Variants in FNDC3B observed in about 807,000 individuals in gnomAD.
FNDC3B encodes the protein fibronectin type III domain-containing protein 3B.
FNDC3B carries 12 observed loss-of-function variants against 151.5 expected under a neutral mutation model. The observed-to-expected ratio is 0.08, with a 90% confidence interval of 0.05 to 0.13. The LOEUF is 0.13. Among genes scored for constraint, FNDC3B ranks in the 10% least tolerant of loss-of-function variants. FNDC3B has a pLI of 1.00. For synonymous variants in FNDC3B, 528 were observed against 549.0 expected (o/e 0.96, Z 0.54); for missense variants, 1,214 against 1,505.3 (o/e 0.81, Z 3.20).
At chr3:172,086,147 G>A (rs1171228694) in intron 1 of FNDC3B, among the ~76,000 whole-genome samples, 4 of 152,112 alleles carry the variant, frequency 2.6e-5, no homozygotes, top group Non-Finnish European at 4.4e-5. Context: ...GATCACTTGA[G>A]GCCAGAAGTT....
rs113275124 is a variant in FNDC3B, at chr3:172,241,096, T to G, written c.265-6437T>G. ...GATTTCTTCATTAGCCTGAGCAAGA[T>G]GGCTCAGTGTTTGTTCACAGAGGCT... On this transcript the variant is annotated intron_variant, in intron 4 of 25. Coordinates refer to ENST00000415807, the MANE Select transcript of FNDC3B (RefSeq NM_022763.4). Among the ~76,000 whole-genome samples the G allele has an allele frequency of 3.2e-3, 480 of 152,304 alleles. 1 individual carries two copies. Among genetic ancestry groups the G allele is most frequent in the Middle Eastern group, 6.8e-3 (2 of 294 alleles).
intron 3 of FNDC3B, among the ~76,000 whole-genome samples, chr3:172,163,751 G>A (rs1282196224): frequency 6.6e-6 from 1 of 152,140 alleles, no homozygotes; most frequent in Non-Finnish European, 1.5e-5. Context: ...GGTATTATGA[G>A]CAGGGCTGCT....
chr3:172,149,394 T>G (rs1458287130), intron 3 of FNDC3B, among the ~76,000 whole-genome samples: 1 of 152,188 alleles, frequency 6.6e-6, no homozygotes, highest in Non-Finnish European at 1.5e-5. Context: ...TTTAGTCTGG[T>G]TCCATTGATC....
At chr3:172,292,122 A>G (rs1239014345) in intron 7 of FNDC3B, among the ~76,000 whole-genome samples, 1 of 152,194 alleles carries the variant, frequency 6.6e-6, no homozygotes, top group Non-Finnish European at 1.5e-5. Context: ...TCCTCATTCC[A>G]TTGCCTAAAC....
rs145472346 is a variant in FNDC3B, at chr3:172,328,721, G to C, written c.1255-231G>C. ...AAACCACAGGTACAGTAAATTACCT[G>C]TCTCAATTACAGAATTTTCTGTAGT... On this transcript the variant is annotated intron_variant, in intron 11 of 25. Transcript: ENST00000415807. 2.3e-3 allele frequency among the ~76,000 whole-genome samples: 355 copies of C among 152,236 alleles called. 1 individual carries two copies. Among genetic ancestry groups the C allele is most frequent in the African/African-American group, 8.2e-3 (339 of 41,532 alleles).
chr3:172,349,947 T>G (rs1372765531), intron 21 of FNDC3B, among the ~76,000 whole-genome samples: 1 of 152,184 alleles, frequency 6.6e-6, no homozygotes, highest in Non-Finnish European at 1.5e-5. Context: ...TGAGCCACCG[T>G]GCCCGGCCAC....
chr3:172,372,193 T>G (rs1052653129), intron 23 of FNDC3B, among the ~76,000 whole-genome samples: 11 of 152,212 alleles, frequency 7.2e-5, no homozygotes, highest in Admixed American at 2.6e-4. Flanking sequence ...CCAAACTCCC[T>G]GCACAGTGGA....
chr3:172,352,076 A>C lies in FNDC3B; in HGVS notation c.2515-727A>C, dbSNP rs975419216. On this transcript the variant is annotated intron_variant, in intron 21 of 25. Transcript: ENST00000415807. This position sits in a 1 kb window ranked among gnomAD's most constrained non-coding sequence, Gnocchi z 4.2. ...TAGAGGTAGAAAAGAGGAGGTACCGAAGTACTGAGGGCTGATACTCACCAG... is the reference window on the plus strand; with the variant it reads ...TAGAGGTAGAAAAGAGGAGGTACCGCAGTACTGAGGGCTGATACTCACCAG... Among the ~76,000 whole-genome samples the C allele has an allele frequency of 6.6e-6, 1 of 152,158 alleles. No homozygotes were observed. The highest frequency in any genetic ancestry group is 2.4e-5 in the African/African-American group (1 of 41,444).
intron 1 of FNDC3B, among the ~76,000 whole-genome samples, chr3:172,100,293 G>A (rs1279005042): frequency 1.3e-5 from 2 of 152,128 alleles, no homozygotes; most frequent in African/African-American, 4.8e-5. Context: ...TTAACAAATT[G>A]TATTAGTATA....
At chr3:172,105,198 C>T (rs1016367932) in intron 1 of FNDC3B, among the ~76,000 whole-genome samples, 4 of 152,030 alleles carry the variant, frequency 2.6e-5, no homozygotes, top group Non-Finnish European at 5.9e-5. Flanking sequence ...AAAGGCCACC[C>T]GGGGTGTATG....
intron 3 of FNDC3B, among the ~76,000 whole-genome samples, chr3:172,217,884 T>G (rs187486255): frequency 1.5e-3 from 223 of 152,274 alleles, no homozygotes; most frequent in Non-Finnish European, 2.7e-3. Flanking sequence ...ACAGAATTGT[T>G]CACTAACGCT....
intron 23 of FNDC3B, among the ~76,000 whole-genome samples, chr3:172,377,734 A>G (rs1190611019): frequency 1.3e-5 from 2 of 152,202 alleles, no homozygotes; most frequent in African/African-American, 4.8e-5. Context: ...TCAACGATCC[A>G]TAATCCTAAA....
At chr3:172,243,695 G>A (rs9879470) in intron 4 of FNDC3B, among the ~76,000 whole-genome samples, 94,610 of 152,070 alleles carry the variant, frequency 0.62, 31,461 homozygotes, top group African/African-American at 0.88. Flanking sequence ...GTGTCTTCAC[G>A]TGATGTTCCC....
chr3:172,143,480 G>C (rs1289733403), intron 3 of FNDC3B, among the ~76,000 whole-genome samples: 1 of 151,808 alleles, frequency 6.6e-6, no homozygotes, highest in African/African-American at 2.4e-5. Flanking sequence ...ATTTATTTTT[G>C]TGTTATTAAC....
chr3:172,325,855 G>T (rs1732315753), intron 11 of FNDC3B, among the ~76,000 whole-genome samples: 1 of 152,112 alleles, frequency 6.6e-6, no homozygotes, highest in Non-Finnish European at 1.5e-5. Flanking sequence ...ACAGAGTCTC[G>T]TTCTGTCACC....
At position 172,289,860 on chromosome 3, in the gene FNDC3B, C is replaced by A. The variant is rs769146523; in HGVS notation, c.849+3876C>A. The stretch of plus-strand genomic sequence containing the variant: ...CATTGGCTGTTACCTGTCTTTGTGA[C>A]CTTGGGTAAGTTACATCATTTCTTT... On this transcript the variant is annotated intron_variant, in intron 7 of 25. Transcript: ENST00000415807. Among the ~76,000 whole-genome samples the A allele has an allele frequency of 5.6e-4, 85 of 152,178 alleles. 1 individual carries two copies. Among genetic ancestry groups the A allele is most frequent in the South Asian group, 4.1e-4 (2 of 4,826 alleles).
At chr3:172,280,017 C>T (rs9883328) in intron 6 of FNDC3B, among the ~76,000 whole-genome samples, 11,604 of 152,110 alleles carry the variant, frequency 0.076, 893 homozygotes, top group African/African-American at 0.2. Flanking sequence ...CGGGTTCTAG[C>T]GATCCTCCCA....
At chr3:172,326,920 G>A (rs1732382362) in intron 11 of FNDC3B, among the ~76,000 whole-genome samples, 1 of 152,156 alleles carries the variant, frequency 6.6e-6, no homozygotes, top group Non-Finnish European at 1.5e-5. Flanking sequence ...GTTTGGAAGG[G>A]ATGAGAGCTT....
At chr3:172,245,378 T>C (rs1727723796) in intron 4 of FNDC3B, among the ~76,000 whole-genome samples, 2 of 152,196 alleles carry the variant, frequency 1.3e-5, no homozygotes, top group Non-Finnish European at 2.9e-5. Context: ...ATTGTAAACC[T>C]CTAGAAAACA....
Sources: gnomAD v4.1 joint callset for allele counts (sites outside exome capture counted in the v4.1 genomes callset) on GRCh38, gnomAD v4.1.1 for gene constraint, Gnocchi (gnomAD v3.1) non-coding constraint, MANE v1.5 for transcripts, NCBI Gene and HGNC (gene_info 2026-07-23, HGNC 2026-07-21) for gene names.